The following MYO19 variants were observed in gnomAD, a reference collection of about 807,000 sequenced individuals.
MYO19 encodes myosin XIX.
MYO19 carries 132 observed loss-of-function variants against 129.2 expected under a neutral mutation model. The ratio of observed to expected loss-of-function variants is 1.02; its 90% confidence interval spans 0.89 to 1.18. The LOEUF (loss-of-function observed/expected upper bound fraction) is 1.18, where lower values mean the gene tolerates loss of function less well. Among genes scored for constraint, MYO19 ranks in the 50% most tolerant of loss-of-function variants. MYO19 has a pLI of 0.00. For synonymous variants in MYO19, 531 were observed against 477.2 expected (o/e 1.11, Z -1.47); for missense variants, 1,210 against 1,216.7 (o/e 0.99, Z 0.08).
upstream of MYO19, chr17:36,537,006 A>T: frequency 8.7e-7 from 1 of 1,145,844 alleles, no homozygotes; most frequent in Non-Finnish European, 1.2e-6. Context: ...TCTGAAATCT[A>T]GTAATAAGAG....
chr17:36,522,990 A>AAACCCT (rs2073234062), intron 6 of MYO19, among the ~76,000 whole-genome samples: 1 of 148,284 alleles, frequency 6.7e-6, no homozygotes, highest in African/African-American at 2.5e-5. Flanking sequence ...TGGGCAACAG[A>AAACCCT]GCAAGACTCC....
intron 25 of MYO19, chr17:36,497,892 A>C (rs995574996): frequency 4.7e-5 from 10 of 215,014 alleles, no homozygotes; most frequent in African/African-American, 2.1e-4. Flanking sequence ...GCCCTAAGCT[A>C]AACTTTCATC....
intron 19 of MYO19, 134 bp downstream of exon 19, chr17:36,505,161 CCT>C (rs1482779877): frequency 2.4e-6 from 2 of 825,808 alleles, no homozygotes; most frequent in African/African-American, 1.7e-5. Context: ...GGAGATGGGT[CCT>C]CTCTCATGTC....
rs550172591 is a variant in MYO19 at position 36,507,747 on chromosome 17, G to C, written c.1353+56C>G. The C allele has an allele frequency of 1.2e-5, 19 of 1,525,060 alleles. No homozygotes were observed. In the Admixed American group the frequency reaches 2.8e-4, roughly 22 times the overall value. The allele number at this position is 1,525,060 out of a possible 1,614,324, so 94.5% of individuals were successfully genotyped here. On this transcript the variant is annotated intron_variant, in intron 15 of 25. Transcript: ENST00000614623. ...AACCTGGACTGGGGCTGGAAGGTCA[G>C]GAAGGGATTGAGGATCCAAAAGAAG...
rs1489850084 is a variant in MYO19 at position 36,511,546 on chromosome 17, A to C, written c.895-91T>G. ...CCGTTCTGCTGAGTACAATCACGACAGCAGAAGGGCAGCTCCCAATCATGG... is the reference window on the plus strand; with the variant it reads ...CCGTTCTGCTGAGTACAATCACGACCGCAGAAGGGCAGCTCCCAATCATGG... On this transcript the variant is annotated intron_variant, in intron 11 of 25. Transcript: ENST00000614623. 5.2e-6 allele frequency: 6 copies of C among 1,147,334 alleles called. No individual in the cohort carries two copies. In the African/African-American group the frequency reaches 9.3e-5, roughly 18 times the overall value. 71.1% of individuals were successfully genotyped at this position (1,147,334 alleles called of 1,614,324 possible). A position where few individuals can be genotyped will look rare whatever the true frequency, so the allele number is the denominator to read the frequency against.
intron 20 of MYO19, 78 bp downstream of exon 20, chr17:36,503,872 G>C: frequency 8.2e-7 from 1 of 1,225,308 alleles, no homozygotes; most frequent in South Asian, 1.8e-5. Flanking sequence ...CTCTGGGTTG[G>C]GCAGGCTCTT....
At chr17:36,528,250 T>C in intron 3 of MYO19, 48 bp from the exon 4 acceptor site, 1 of 1,536,742 alleles carries the variant, frequency 6.5e-7, no homozygotes, top group Non-Finnish European at 8.8e-7. Flanking sequence ...GGCTCATGCC[T>C]ATAATCCCAG....
chr17:36,528,598 G>A (rs2073639080), intron 3 of MYO19, among the ~76,000 whole-genome samples: 1 of 152,124 alleles, frequency 6.6e-6, no homozygotes, highest in Admixed American at 6.5e-5. Flanking sequence ...AACCTGTATA[G>A]TAGAAGGAGA....
chr17:36,507,881 A>C lies in MYO19; in HGVS notation c.1275T>G (p.Ser425Arg). 1 of 1,613,012 alleles carries C rather than the reference A, an allele frequency of 6.2e-7. No homozygotes were observed. The highest frequency in any genetic ancestry group is 8.5e-7 in the Non-Finnish European group (1 of 1,179,226). ...VYGFESFPDN[S>R]LEQLCINYAN... ...CGTAGTTGATGCACAACTGTTCCAGACTGTTGTCAGGAAATGATTCAAATC... is the reference window on the plus strand; with the variant it reads ...CGTAGTTGATGCACAACTGTTCCAGCCTGTTGTCAGGAAATGATTCAAATC... Residue 425 changes from serine to arginine, a missense_variant, in exon 15 of 26, where the codon AGT becomes AGG. Transcript: ENST00000614623.
chr17:36,496,493 C>T (rs1567722123), intron 25 of MYO19, 87 bp from the exon 26 acceptor site: 4 of 1,322,884 alleles, frequency 3.0e-6, no homozygotes, highest in Middle Eastern at 1.9e-4. Context: ...GCTAAAAATG[C>T]AAGAAGGTAT....
rs1005639654 is a variant in MYO19 at position 36,528,254 on chromosome 17, A to G, written c.13-52T>C. On this transcript the variant is annotated intron_variant, in intron 3 of 25. Transcript: ENST00000614623. Reference sequence around the variant, plus strand: ...CCAGGCACAGTGGCTCATGCCTATAATCCCAGCACTCTGGGAGGCCAAGGC... The same window carrying G: ...CCAGGCACAGTGGCTCATGCCTATAGTCCCAGCACTCTGGGAGGCCAAGGC... 4.6e-6 allele frequency: 7 copies of G among 1,527,458 alleles called. No homozygotes were observed. The South Asian group carries it at 8.4e-5, about 18-fold the overall frequency. The allele number at this position is 1,527,458 out of a possible 1,614,324, so 94.6% of individuals were successfully genotyped here. A position where few individuals can be genotyped will look rare whatever the true frequency, so the allele number is the denominator to read the frequency against.
chr17:36,518,141 T>C (rs1378883688), intron 6 of MYO19, among the ~76,000 whole-genome samples: 1 of 151,034 alleles, frequency 6.6e-6, no homozygotes, highest in Non-Finnish European at 1.5e-5. Flanking sequence ...TTTAATTTAT[T>C]AGTTCAAAAT....
chr17:36,538,327 G>T (rs771756137), upstream of MYO19: 1 of 1,613,994 alleles, frequency 6.2e-7, no homozygotes, highest in South Asian at 1.1e-5. Flanking sequence ...CTAGTACCAT[G>T]TTCTTGGAAA....
intron 9 of MYO19, 74 bp from the exon 10 acceptor site, chr17:36,513,799 G>T: frequency 1.5e-6 from 2 of 1,338,948 alleles, no homozygotes; most frequent in Non-Finnish European, 1.0e-6. Flanking sequence ...CAGGCATGGG[G>T]TTGGGATAAG....
chr17:36,499,004 A>G, intron 24 of MYO19, 71 bp downstream of exon 24: 1 of 1,252,184 alleles, frequency 8.0e-7, no homozygotes, highest in Non-Finnish European at 1.1e-6. Context: ...CAGAGCCAGC[A>G]TTCCCACTCG....
intron 6 of MYO19, among the ~76,000 whole-genome samples, chr17:36,523,122 G>C (rs2073248778): frequency 6.7e-6 from 1 of 149,200 alleles, no homozygotes; most frequent in Non-Finnish European, 1.5e-5. Flanking sequence ...GGGAGGCGGA[G>C]GCTGCAGTGG....
intron 18 of MYO19, among the ~76,000 whole-genome samples, chr17:36,506,104 GAAGT>G (rs1567741317): frequency 6.6e-6 from 1 of 152,148 alleles, no homozygotes; most frequent in African/African-American, 2.4e-5. Flanking sequence ...CGATGTGAGA[GAAGT>G]GAGTGAGGGT....
intron 6 of MYO19, 117 bp downstream of exon 6, chr17:36,525,111 C>T (rs1298341485): frequency 1.3e-6 from 1 of 753,648 alleles, no homozygotes; most frequent in East Asian, 2.5e-5. Context: ...TTCAGCCAGC[C>T]TATGTGGGAA....
In MYO19 at chr17:36,503,175, G is replaced by A. The variant is rs542718454; in HGVS notation, c.2002C>T (p.Arg668Ter). Residue 668 changes from arginine to a stop codon, truncating the protein, a stop_gained, in exon 21 of 26, where the codon CGA (arginine) becomes TGA (stop). Transcript: ENST00000614623. LOFTEE classifies it high-confidence loss of function. ...TGAAGCCTTCTTAGTAACTTGTATC[G>A]TTCTACAAAGTTTCGGTGAGAGACC... ...IRVSHRNFVE[R>*]YKLLRRLHPC... 135 of 1,614,006 alleles carry A rather than the reference G, an allele frequency of 8.4e-5. No homozygotes were observed. The highest frequency in any genetic ancestry group is 2.0e-4 in the African/African-American group (15 of 75,048).
Sources: gnomAD v4.1 joint callset for allele counts (sites outside exome capture counted in the v4.1 genomes callset) on GRCh38, gnomAD v4.1.1 for gene constraint, MANE v1.5 for transcripts, NCBI Gene and HGNC (gene_info 2026-07-23, HGNC 2026-07-21) for gene names.